The following UVRAG variants were observed in gnomAD, a reference collection of about 807,000 sequenced individuals.
UVRAG encodes UV radiation resistance associated.
UVRAG carries 19 observed loss-of-function variants against 78.0 expected under a neutral mutation model. That is an observed-to-expected ratio of 0.24 (90% CI 0.17 to 0.36). The LOEUF (loss-of-function observed/expected upper bound fraction) is 0.36, where lower values mean the gene tolerates loss of function less well. UVRAG is among the 10% of genes least tolerant of loss of function. The probability of loss-of-function intolerance (pLI) is 1.00; values close to 1 mark genes in which losing one functional copy is unlikely to be tolerated. For synonymous variants in UVRAG, 323 were observed against 324.6 expected (o/e 1.00, Z 0.05); for missense variants, 740 against 853.8 (o/e 0.87, Z 1.66).
rs984273507 is a variant in UVRAG at position 75,872,878 on chromosome 11, A to G, written c.271-7001A>G. Among the ~76,000 whole-genome samples the G allele has an allele frequency of 2.0e-5, 3 of 152,234 alleles. No individual in the cohort carries two copies. In the South Asian group the frequency reaches 6.2e-4, roughly 31 times the overall value. ...AGATTAAGTAAGAATATATAGTCAA[A>G]TTAGTAGTATAGTACCTGGCACACT... is the stretch of plus-strand genomic sequence containing the variant. On this transcript the variant is annotated intron_variant, in intron 3 of 14. Transcript: ENST00000356136.
chr11:75,945,736 C>T (rs760692819), intron 6 of UVRAG, among the ~76,000 whole-genome samples: 8 of 152,124 alleles, frequency 5.3e-5, no homozygotes, highest in Non-Finnish European at 7.4e-5. Context: ...CCATATGACC[C>T]TGTGCTCCAG....
chr11:75,827,551 C>T (rs11236543), intron 1 of UVRAG, among the ~76,000 whole-genome samples: 17,961 of 152,118 alleles, frequency 0.12, 1,195 homozygotes, highest in East Asian at 0.23. Flanking sequence ...GCGGAGGTTG[C>T]AGTGAGCCGA....
chr11:75,864,751 T>C (rs1430942968), intron 3 of UVRAG, among the ~76,000 whole-genome samples: 1 of 152,250 alleles, frequency 6.6e-6, no homozygotes, highest in African/African-American at 2.4e-5. Flanking sequence ...ACTGCAAATC[T>C]TCAATTAGAT....
At chr11:75,825,666 G>T (rs1321111735) in intron 1 of UVRAG, among the ~76,000 whole-genome samples, 1 of 152,080 alleles carries the variant, frequency 6.6e-6, no homozygotes, top group Non-Finnish European at 1.5e-5. Context: ...GAAGCTATTT[G>T]CCTGGCCACA....
At chr11:75,989,482 GC>G (rs1329765419) in intron 8 of UVRAG, among the ~76,000 whole-genome samples, 1 of 152,134 alleles carries the variant, frequency 6.6e-6, no homozygotes, top group Middle Eastern at 3.2e-3. Context: ...ATACTAGGCT[GC>G]CTCTTATCTA....
At chr11:76,136,543 C>G (rs1048028648) in intron 14 of UVRAG, among the ~76,000 whole-genome samples, 1 of 146,394 alleles carries the variant, frequency 6.8e-6, no homozygotes, top group African/African-American at 2.5e-5. Context: ...GGGTCTTGCT[C>G]TGTCGTCCAG....
intron 13 of UVRAG, among the ~76,000 whole-genome samples, chr11:76,108,904 T>A (rs1294640203): frequency 2.0e-5 from 3 of 152,216 alleles, no homozygotes; most frequent in African/African-American, 7.2e-5. Context: ...TTCATCTTGG[T>A]TGCCTACTAG....
At chr11:76,042,605 T>C (rs1461364257) in intron 12 of UVRAG, among the ~76,000 whole-genome samples, 1 of 152,162 alleles carries the variant, frequency 6.6e-6, no homozygotes, top group African/African-American at 2.4e-5. Context: ...GATTTAGGAG[T>C]TGATTCACAA....
At chr11:75,934,939 G>A (rs1165472754) in intron 6 of UVRAG, 1 of 152,210 alleles carries the variant, frequency 6.6e-6, no homozygotes, top group East Asian at 1.9e-4. Flanking sequence ...GGCAGTCTGT[G>A]CATATCATCC....
intron 3 of UVRAG, among the ~76,000 whole-genome samples, chr11:75,879,061 C>A (rs999528148): frequency 3.9e-5 from 6 of 152,164 alleles, no homozygotes; most frequent in African/African-American, 1.4e-4. Flanking sequence ...GGTTTCGACT[C>A]CCTGGACGGT....
At chr11:76,137,265 C>T (rs566797051) in intron 14 of UVRAG, 19 of 451,866 alleles carry the variant, frequency 4.2e-5, no homozygotes, top group Non-Finnish European at 5.8e-5. Context: ...GGCACTGATT[C>T]AACCACCCAC....
intron 11 of UVRAG, among the ~76,000 whole-genome samples, chr11:76,011,313 G>A (rs970622800): frequency 1.3e-5 from 2 of 152,200 alleles, no homozygotes; most frequent in African/African-American, 4.8e-5. Context: ...AGCACATGCA[G>A]TAATATTGGA....
intron 6 of UVRAG, among the ~76,000 whole-genome samples, chr11:75,928,939 CAAAAAAAAAAA>C (rs368913080): frequency 1.0e-4 from 7 of 67,494 alleles, no homozygotes; most frequent in East Asian, 5.1e-4. Context: ...GAGACTGTCT[CAAAAAAAAAAA>C]AAAAAAAAAA....
At chr11:75,883,171 C>G (rs78331792) in intron 4 of UVRAG, among the ~76,000 whole-genome samples, 10,373 of 152,028 alleles carry the variant, frequency 0.068, 518 homozygotes, top group African/African-American at 0.14. Flanking sequence ...TCTTAACGTT[C>G]TGGTTGCAGG....
chr11:76,115,827 CT>C, intron 13 of UVRAG, 96 bp from the exon 14 acceptor site: 1 of 1,079,014 alleles, frequency 9.3e-7, no homozygotes, highest in Non-Finnish European at 1.4e-6. Context: ...TACATTTCCT[CT>C]TTTAGAGTTC....
intron 8 of UVRAG, among the ~76,000 whole-genome samples, chr11:76,000,313 A>G (rs563245342): frequency 2.5e-4 from 38 of 152,366 alleles, no homozygotes; most frequent in African/African-American, 8.9e-4. Context: ...ATATAAAGGT[A>G]GATATATTCC....
chr11:75,843,138 A>G (rs1371328023), intron 1 of UVRAG, among the ~76,000 whole-genome samples: 1 of 152,230 alleles, frequency 6.6e-6, no homozygotes, highest in South Asian at 2.1e-4. Context: ...AGAATTTTAG[A>G]TGCATGCAAG....
At chr11:76,083,224 C>T (rs958771622) in intron 13 of UVRAG, among the ~76,000 whole-genome samples, 3 of 152,000 alleles carry the variant, frequency 2.0e-5, no homozygotes, top group Non-Finnish European at 2.9e-5. Flanking sequence ...CCTCATTTTA[C>T]AGGTGAGGAA....
At chr11:76,088,367 G>A (rs57211393) in intron 13 of UVRAG, among the ~76,000 whole-genome samples, 1 of 151,946 alleles carries the variant, frequency 6.6e-6, no homozygotes, top group Non-Finnish European at 1.5e-5. Flanking sequence ...AGGACGAGGG[G>A]TGGGAAGTTT....
Sources: allele counts gnomAD v4.1 joint callset (sites outside exome capture counted in the v4.1 genomes callset), GRCh38; gene constraint gnomAD v4.1.1; transcripts MANE v1.5; gene names NCBI Gene and HGNC (gene_info 2026-07-23, HGNC 2026-07-21).